Variants in POLRMT observed in about 807,000 individuals in gnomAD.
POLRMT encodes RNA polymerase mitochondrial, also known as DNA-directed RNA polymerase, mitochondrial.
A neutral mutation model predicts 132.2 loss-of-function variants in POLRMT; 114 were observed. That is an observed-to-expected ratio of 0.86 (90% CI 0.74 to 1.01). The LOEUF is 1.01. Among genes scored for constraint, POLRMT ranks in the 50% least tolerant of loss-of-function variants. The pLI is 0.00. For missense variants in POLRMT, 2,003 were observed against 1,729.1 expected, an observed-to-expected ratio of 1.16 and a Z score of -2.81; for synonymous variants, 1,020 against 773.4, an observed-to-expected ratio of 1.32 and a Z score of -5.29.
intron 19 of POLRMT, 42 bp downstream of exon 19, chr19:617,528 T>C (rs1217854878): frequency 8.8e-7 from 1 of 1,131,170 alleles, no homozygotes; most frequent in African/African-American, 1.8e-5. Context: ...GGTTTTGGGG[T>C]GGGGGGGGAA....
chr19:630,166 G>A lies in POLRMT; in HGVS notation c.196C>T (p.Leu66Phe), dbSNP rs764333797. The A allele has an allele frequency of 3.8e-6, 6 of 1,588,696 alleles. No individual in the cohort carries two copies. Among genetic ancestry groups the A allele is most frequent in the African/African-American group, 1.3e-5 (1 of 74,556 alleles). ...DWGHVELLEVLQARVRQLQAE... is the reference protein window; with the variant it reads ...DWGHVELLEVFQARVRQLQAE... ...TGCAGCTGCCGCACCCGCGCCTGGA[G>A]CACTGTGAGGGGCAGAAGGCGAGGA... Residue 66 changes from leucine (L) to phenylalanine (F), a missense_variant and splice_region_variant, in exon 3 of 21, where the codon CTC becomes TTC. Leu to Phe is a conservative substitution (Grantham distance 22). Transcript: ENST00000588649.
chr19:618,285 T>G, intron 17 of POLRMT: 2 of 570,980 alleles, frequency 3.5e-6, no homozygotes. Flanking sequence ...GCTCTCCCTG[T>G]CGGGCCACAG....
chr19:620,923 AGG>A, intron 10 of POLRMT, 133 bp downstream of exon 10: 2 of 82,858 alleles, frequency 2.4e-5, no homozygotes, highest in South Asian at 2.4e-4. Flanking sequence ...GAAGACGGGC[AGG>A]GGGCGCCAGG....
chr19:630,844 C>G (rs9304924), intron 2 of POLRMT, among the ~76,000 whole-genome samples: 87,076 of 152,090 alleles, frequency 0.57, 26,260 homozygotes, highest in South Asian at 0.76. Flanking sequence ...TTCTGTATCT[C>G]TTTAAAGAAG....
At chr19:619,893 G>T in intron 12 of POLRMT, 65 bp downstream of exon 12, 1 of 1,592,734 alleles carries the variant, frequency 6.3e-7, no homozygotes, top group Non-Finnish European at 8.5e-7. Context: ...GGCACCTGGG[G>T]CCGAGACTCA....
rs1984341883 is a variant in POLRMT, at chr19:619,643, G to A, written c.3009C>T (p.Arg1003=). The A allele has an allele frequency of 1.9e-6, 3 of 1,610,752 alleles. No individual in the cohort carries two copies. Among genetic ancestry groups the A allele is most frequent in the Admixed American group, 1.7e-5 (1 of 59,976 alleles). The change falls in exon 13 of 21, where the codon CGC becomes CGT. Residue 1003 remains arginine (R), a synonymous_variant. Transcript: ENST00000588649. ...TCTCAATCTGCAGGCGCCCGCCATA[G>A]CGCGTGACCCCGTACACCACCGTCA... is the stretch of plus-strand genomic sequence containing the variant. ...TVMTVVYGVT[R]YGGRLQIEKR...
chr19:618,363 G>A (rs1984183270), intron 17 of POLRMT, 125 bp downstream of exon 17: 2 of 741,660 alleles, frequency 2.7e-6, no homozygotes, highest in African/African-American at 1.8e-5. Context: ...AGGCCCCACA[G>A]ACACAGCAGA....
Position 619,266 on chromosome 19 carries a change from C to G in POLRMT, c.3097G>C (p.Val1033Leu). The change falls in exon 14 of 21, where the codon GTA (valine) becomes CTA (leucine). Residue 1033 changes from valine to leucine, a missense_variant. Coordinates refer to ENST00000588649, the MANE Select transcript of POLRMT (RefSeq NM_005035.4). ...TGTAGACTCTTGAAGACCTGGCGTA[C>G]GAGATAGTGAGAGGCCTCCCACACG... ...EFVWEASHYL[V>L]RQVFKSLQEM... is the part of the protein sequence containing the mutation. 3.1e-6 allele frequency: 5 copies of G among 1,607,512 alleles called. No homozygotes were observed. Among genetic ancestry groups the G allele is most frequent in the Non-Finnish European group, 3.4e-6 (4 of 1,178,918 alleles).
chr19:620,691 G>A (rs1027374236), intron 10 of POLRMT, among the ~76,000 whole-genome samples: 10 of 148,296 alleles, frequency 6.7e-5, no homozygotes, highest in East Asian at 4.0e-4. Context: ...CGGGTGGACC[G>A]GGCTGAAACA....
intron 9 of POLRMT, 122 bp from the exon 10 acceptor site, chr19:621,968 G>A (rs1057180101): frequency 1.3e-5 from 17 of 1,287,074 alleles, no homozygotes; most frequent in Admixed American, 1.2e-4. Flanking sequence ...GGCCTCCCAC[G>A]AACAGAAGCC....
In POLRMT at chr19:633,297, GC is replaced by G. The variant is rs1342961536; in HGVS notation, c.88+127del. ...CGGGCAAGGGCGAGTGGAAAGCGGG[GC>G]CGGGTCGGTGGGCTGCGCACGCCCA... is the stretch of plus-strand genomic sequence containing the variant. On this transcript the variant is annotated intron_variant, in intron 1 of 20. Coordinates refer to ENST00000588649, the MANE Select transcript of POLRMT (RefSeq NM_005035.4). 10 of 1,178,166 alleles carry G rather than the reference GC, an allele frequency of 8.5e-6. No homozygotes were observed. In the Admixed American group the frequency reaches 3.1e-4, roughly 37 times the overall value. The allele number at this position is 1,178,166 out of a possible 1,614,324, so 73.0% of individuals were successfully genotyped here. A position where few individuals can be genotyped will look rare whatever the true frequency, so the allele number is the denominator to read the frequency against.
rs140327778 is a variant in POLRMT at position 619,646 on chromosome 19, C to T, written c.3006G>A (p.Thr1002=). The change falls in exon 13 of 21, where the codon ACG becomes ACA. Residue 1002 remains threonine, a synonymous_variant. Transcript: ENST00000588649. Reference sequence around the variant, plus strand: ...CAATCTGCAGGCGCCCGCCATAGCGCGTGACCCCGTACACCACCGTCATCA... The same window carrying T: ...CAATCTGCAGGCGCCCGCCATAGCGTGTGACCCCGTACACCACCGTCATCA... ...QTVMTVVYGV[T]RYGGRLQIEK... 1.9e-5 allele frequency: 31 copies of T among 1,610,700 alleles called. No individual in the cohort carries two copies. The highest frequency in any genetic ancestry group is 2.5e-5 in the Non-Finnish European group (29 of 1,179,666).
intron 9 of POLRMT, 143 bp downstream of exon 9, chr19:622,006 T>C: frequency 1.8e-6 from 2 of 1,119,866 alleles, no homozygotes; most frequent in Non-Finnish European, 2.5e-6. Context: ...GACACCTGCA[T>C]GGACACCCAT....
Position 632,898 on chromosome 19 carries a change from G to T in POLRMT, c.129C>A (p.Ser43=). The T allele has an allele frequency of 2.6e-6, 4 of 1,541,448 alleles. No homozygotes were observed. Among genetic ancestry groups the T allele is most frequent in the Non-Finnish European group, 3.5e-6 (4 of 1,148,254 alleles). ...CTTGGTCTTGCTCCTGGGGGCTGGC[G>T]GACGAGCTCCTCCTGGGGCCGCAGA... ...GGVCGPRRSS[S]ASPQEQDQDR... The change falls in exon 2 of 21, where the codon TCC becomes TCA. Residue 43 remains serine (S), a synonymous_variant. Transcript: ENST00000588649.
intron 2 of POLRMT, 57 bp from the exon 3 acceptor site, chr19:630,225 G>C (rs999884652): frequency 3.3e-6 from 5 of 1,521,854 alleles, no homozygotes; most frequent in Non-Finnish European, 4.4e-6. Context: ...TCGAGCACCC[G>C]TCTCTCTGGA....
intron 9 of POLRMT, 118 bp downstream of exon 9, chr19:622,031 C>T: frequency 8.5e-7 from 1 of 1,183,096 alleles, no homozygotes; most frequent in Non-Finnish European, 1.2e-6. Context: ...TGTCCCGAGT[C>T]CTGGGAGGTA....
chr19:626,776 C>G (rs1001445724), intron 3 of POLRMT, among the ~76,000 whole-genome samples: 2 of 150,530 alleles, frequency 1.3e-5, no homozygotes, highest in African/African-American at 2.5e-5. Context: ...AGGAGAATCA[C>G]TTGAACGCAG....
chr19:622,176 G>A lies in POLRMT; in HGVS notation c.1824C>T (p.His608=), dbSNP rs1473088912. ...RSSRLVPVLY[H]VYSFRNVQQI... is the part of the protein sequence containing the mutation. ...GCTGGACGTTGCGGAAGGAATACACGTGGTAGAGCACGGGGACAAGCCGAG... is the reference window on the plus strand; with the variant it reads ...GCTGGACGTTGCGGAAGGAATACACATGGTAGAGCACGGGGACAAGCCGAG... Residue 608 remains histidine, a synonymous_variant, in exon 9 of 21, where the codon CAC becomes CAT. Coordinates refer to ENST00000588649, the MANE Select transcript of POLRMT (RefSeq NM_005035.4). The A allele has an allele frequency of 3.8e-6, 6 of 1,571,218 alleles. No homozygotes were observed. The highest frequency in any genetic ancestry group is 2.4e-5 in the East Asian group (1 of 42,218).
rs762865467 is a variant in POLRMT, at chr19:619,652, C to G, written c.3000G>C (p.Gly1000=). Residue 1000 remains glycine, a synonymous_variant, in exon 13 of 21, where the codon GGG becomes GGC. Transcript: ENST00000588649. ...GCAGGCGCCCGCCATAGCGCGTGAC[C>G]CCGTACACCACCGTCATCACCGTCT... is the stretch of plus-strand genomic sequence containing the variant. ...VKQTVMTVVY[G]VTRYGGRLQI... The G allele has an allele frequency of 1.2e-6, 2 of 1,610,814 alleles. No individual in the cohort carries two copies. The highest frequency in any genetic ancestry group is 2.2e-5 in the South Asian group (2 of 90,990).
Sources: allele counts gnomAD v4.1 joint callset (sites outside exome capture counted in the v4.1 genomes callset), GRCh38; gene constraint gnomAD v4.1.1; transcripts MANE v1.5; gene names NCBI Gene and HGNC (gene_info 2026-07-23, HGNC 2026-07-21).